DENND1B: variants seen among roughly 807,000 people sequenced by gnomAD.
The protein encoded by DENND1B is DENN domain containing 1B.
DENND1B carries 59 observed loss-of-function variants against 90.1 expected under a neutral mutation model. The ratio of observed to expected loss-of-function variants is 0.65; its 90% CI spans 0.53 to 0.81. DENND1B has a LOEUF of 0.81. Ranked by LOEUF, DENND1B falls within the 40% of genes least tolerant of loss-of-function variation. The pLI is 0.00. For synonymous variants in DENND1B, 337 were observed against 324.6 expected, an observed-to-expected ratio of 1.04 and a Z score of -0.41; for missense variants, 862 against 912.6, an observed-to-expected ratio of 0.94 and a Z score of 0.71.
chr1:197,770,739 T>TATATATCTATAAATATATAA (rs1656413865), intron 2 of DENND1B, among the ~76,000 whole-genome samples: 2 of 138,538 alleles, frequency 1.4e-5, no homozygotes, highest in African/African-American at 5.4e-5. Flanking sequence ...TATATATAAA[T>TATATATCTATAAATATATAA]ATATATATCT....
intron 6 of DENND1B, among the ~76,000 whole-genome samples, chr1:197,657,985 A>C (rs1275578233): frequency 1.3e-5 from 2 of 152,202 alleles, no homozygotes; most frequent in African/African-American, 4.8e-5. Flanking sequence ...GAAATAAGCC[A>C]GTCACTTGGC....
intron 16 of DENND1B, among the ~76,000 whole-genome samples, chr1:197,549,636 T>C (rs1190974617): frequency 1.3e-5 from 2 of 152,172 alleles, no homozygotes; most frequent in Admixed American, 1.3e-4. Flanking sequence ...ACCAACACTG[T>C]GTTTACTTAA....
chr1:197,574,695 T>C (rs947926064), intron 15 of DENND1B, among the ~76,000 whole-genome samples: 1 of 152,114 alleles, frequency 6.6e-6, no homozygotes, highest in Non-Finnish European at 1.5e-5. Context: ...CAAACTATAC[T>C]ACAAGGCTAC....
intron 7 of DENND1B, among the ~76,000 whole-genome samples, chr1:197,649,415 G>C (rs1475393950): frequency 2.6e-5 from 4 of 152,008 alleles, no homozygotes; most frequent in Non-Finnish European, 5.9e-5. Context: ...CCAGAACTAA[G>C]GTGCTAACCA....
upstream of DENND1B, among the ~76,000 whole-genome samples, chr1:197,779,295 T>C (rs1657374369): frequency 1.3e-5 from 2 of 152,226 alleles, no homozygotes; most frequent in Admixed American, 6.5e-5. Flanking sequence ...TTGAAAGTAA[T>C]CTTAAAATGT....
intron 15 of DENND1B, among the ~76,000 whole-genome samples, chr1:197,556,395 T>C (rs1404432588): frequency 1.3e-5 from 2 of 151,960 alleles, no homozygotes; most frequent in African/African-American, 4.8e-5. Flanking sequence ...AAAAATGTGG[T>C]TTAATCATCC....
chr1:197,762,325 G>C (rs1454352674), intron 2 of DENND1B, among the ~76,000 whole-genome samples: 1 of 151,324 alleles, frequency 6.6e-6, no homozygotes, highest in African/African-American at 2.4e-5. Context: ...AGAGTGCAGT[G>C]GCACAATCTT....
intron 2 of DENND1B, among the ~76,000 whole-genome samples, chr1:197,767,957 A>G (rs1361032384): frequency 6.6e-6 from 1 of 152,152 alleles, no homozygotes; most frequent in African/African-American, 2.4e-5. Flanking sequence ...CTCTGGACAG[A>G]CTACCCTGCG....
intron 15 of DENND1B, among the ~76,000 whole-genome samples, chr1:197,571,358 T>C (rs1321173019): frequency 6.6e-6 from 1 of 152,220 alleles, no homozygotes; most frequent in Non-Finnish European, 1.5e-5. Context: ...TCTAACCTCA[T>C]TTAGTACAAC....
intron 10 of DENND1B, among the ~76,000 whole-genome samples, chr1:197,638,948 C>T (rs1310944043): frequency 6.6e-6 from 1 of 151,944 alleles, no homozygotes; most frequent in Non-Finnish European, 1.5e-5. Context: ...TAACACAATA[C>T]CACACTTTAA....
intron 10 of DENND1B, among the ~76,000 whole-genome samples, chr1:197,624,114 C>A (rs950086019): frequency 1.3e-5 from 2 of 151,486 alleles, no homozygotes; most frequent in African/African-American, 4.8e-5. Flanking sequence ...ACAGAATAGT[C>A]AACACAATTC....
chr1:197,686,450 G>C (rs948957260), intron 3 of DENND1B, among the ~76,000 whole-genome samples: 1 of 152,082 alleles, frequency 6.6e-6, no homozygotes, highest in Non-Finnish European at 1.5e-5. Flanking sequence ...ACCACATTTT[G>C]CTACTGAGTT....
At chr1:197,595,103 A>G in intron 14 of DENND1B, 105 bp downstream of exon 14, 4 of 1,352,504 alleles carry the variant, frequency 3.0e-6, no homozygotes, top group Non-Finnish European at 3.0e-6. Context: ...GATTTCCATG[A>G]TATTTTTTGA....
intron 3 of DENND1B, among the ~76,000 whole-genome samples, chr1:197,677,996 T>C (rs542238188): frequency 2.0e-5 from 3 of 152,166 alleles, no homozygotes; most frequent in Non-Finnish European, 2.9e-5. Context: ...CCTCCCTTTC[T>C]GTCAGTCTTT....
At chr1:197,548,766 G>C (rs1284367957) in intron 16 of DENND1B, among the ~76,000 whole-genome samples, 2 of 152,064 alleles carry the variant, frequency 1.3e-5, no homozygotes, top group Non-Finnish European at 2.9e-5. Flanking sequence ...ATATTTGAAA[G>C]GGAAAGGGGC....
intron 15 of DENND1B, among the ~76,000 whole-genome samples, chr1:197,559,710 C>T (rs1049966624): frequency 1.0e-4 from 11 of 106,316 alleles, no homozygotes; most frequent in South Asian, 7.9e-4. Context: ...TATAATGCTC[C>T]GGGCTAAAAA....
chr1:197,750,165 G>GA (rs1321277003), intron 2 of DENND1B, among the ~76,000 whole-genome samples: 1 of 152,022 alleles, frequency 6.6e-6, no homozygotes, highest in East Asian at 1.9e-4. Flanking sequence ...CTTTCATATA[G>GA]AAAAAATAGT....
intron 16 of DENND1B, among the ~76,000 whole-genome samples, chr1:197,549,946 A>G (rs1288503633): frequency 1.3e-5 from 2 of 152,170 alleles, no homozygotes; most frequent in Non-Finnish European, 2.9e-5. Context: ...CCTGCACTGT[A>G]TATTTTTAAT....
intron 20 of DENND1B, among the ~76,000 whole-genome samples, chr1:197,517,409 G>A (rs1166572467): frequency 4.0e-5 from 6 of 151,822 alleles, no homozygotes; most frequent in African/African-American, 1.5e-4. Flanking sequence ...GTATCACCAT[G>A]GCCTTCTTCA....
Sources: allele counts gnomAD v4.1 joint callset (sites outside exome capture counted in the v4.1 genomes callset), GRCh38; gene constraint gnomAD v4.1.1; transcripts MANE v1.5; gene names NCBI Gene and HGNC (gene_info 2026-07-23, HGNC 2026-07-21).